Variants in SLC30A10 observed in about 807,000 individuals in gnomAD.
The protein encoded by SLC30A10 is calcium/manganese antiporter SLC30A10.
A neutral mutation model predicts 21.7 loss-of-function variants in SLC30A10; 8 were observed. That is an observed-to-expected ratio of 0.37 (90% confidence interval 0.22 to 0.67). The LOEUF (loss-of-function observed/expected upper bound fraction) is 0.67. Among genes scored for constraint, SLC30A10 ranks in the 30% least tolerant of loss-of-function variants. SLC30A10 has a pLI of 0.58. For missense variants in SLC30A10, 521 were observed against 642.5 expected (o/e 0.81, Z 2.04); for synonymous variants, 272 against 279.4 (o/e 0.97, Z 0.26).
chr1:219,940,824 T>C (rs1256280522), intron 1 of SLC30A10, among the ~76,000 whole-genome samples: 11 of 152,132 alleles, frequency 7.2e-5, no homozygotes, highest in Non-Finnish European at 1.5e-5. Context: ...CGATTTTTGG[T>C]TTAATTGGAA....
In SLC30A10 at chr1:219,911,606, T is replaced by C. The variant is rs1052792100; in HGVS notation, c.*3843A>G. Among the ~76,000 whole-genome samples the C allele has an allele frequency of 7.9e-5, 12 of 152,132 alleles. No homozygotes were observed. The highest frequency in any genetic ancestry group is 1.8e-4 in the Non-Finnish European group (12 of 68,036). On this transcript the variant is annotated 3_prime_UTR_variant, in exon 4 of 4. Transcript: ENST00000366926. ...AGTATAAAGGGATTTATAAGGGCTT[T>C]TCATTTCAAATTACATTTTTCTTTA...
chr1:219,941,157 C>T (rs139793879), intron 1 of SLC30A10, among the ~76,000 whole-genome samples: 6 of 152,196 alleles, frequency 3.9e-5, no homozygotes, highest in Admixed American at 1.3e-4. Context: ...ACGAGAAGCA[C>T]GTTCCAAACT....
chr1:219,932,421 T>G (rs1368275896), upstream of SLC30A10, among the ~76,000 whole-genome samples: 2 of 152,226 alleles, frequency 1.3e-5, no homozygotes, highest in African/African-American at 4.8e-5. Context: ...GACCAGAAAT[T>G]AACAATTAGT....
Position 219,919,994 on chromosome 1 carries a change from A to T in SLC30A10, c.719-1500T>A, listed in dbSNP as rs2102527794. On this transcript the variant is annotated intron_variant, in intron 2 of 3. Coordinates refer to ENST00000366926, the MANE Select transcript of SLC30A10 (RefSeq NM_018713.3). ...TTTGGAAGGTGCTTTAATTGAGCTAATTCCTCCTCTTGGCAACAACTCCAC... is the reference window on the plus strand; with the variant it reads ...TTTGGAAGGTGCTTTAATTGAGCTATTTCCTCCTCTTGGCAACAACTCCAC... 1.3e-5 allele frequency among the ~76,000 whole-genome samples: 2 copies of T among 152,250 alleles called. 1 individual carries two copies. The highest frequency in any genetic ancestry group is 4.1e-4 in the South Asian group (2 of 4,820).
At chr1:219,921,018 A>C in intron 2 of SLC30A10, among the ~76,000 whole-genome samples, 1 of 152,174 alleles carries the variant, frequency 6.6e-6, no homozygotes, top group East Asian at 1.9e-4. Flanking sequence ...ACACTCTTTT[A>C]AGTTGGAAAG....
intron 1 of SLC30A10, among the ~76,000 whole-genome samples, chr1:219,952,189 C>T (rs1020879394): frequency 6.6e-6 from 1 of 152,118 alleles, no homozygotes; most frequent in Non-Finnish European, 1.5e-5. Context: ...CAGCCACCAC[C>T]ACCACCACCA....
intron 1 of SLC30A10, among the ~76,000 whole-genome samples, chr1:219,938,038 T>G (rs1039654963): frequency 6.6e-6 from 1 of 152,200 alleles, no homozygotes; most frequent in African/African-American, 2.4e-5. Flanking sequence ...TTCAATGTAT[T>G]TTTTCTTCTG....
chr1:219,917,709 T>C (rs1366028940), intron 3 of SLC30A10, among the ~76,000 whole-genome samples: 1 of 38,342 alleles, frequency 2.6e-5, no homozygotes, highest in Non-Finnish European at 5.0e-5. Context: ...TTTTCTTTCC[T>C]TTTTTTTTTT....
At chr1:219,916,917 C>G (rs1236299883) in intron 3 of SLC30A10, among the ~76,000 whole-genome samples, 1 of 150,298 alleles carries the variant, frequency 6.7e-6, no homozygotes, top group Non-Finnish European at 1.5e-5. Context: ...ACATTTCTAG[C>G]ATGTAGTAAA....
chr1:219,937,516 T>G (rs1169297217), intron 1 of SLC30A10, among the ~76,000 whole-genome samples: 1 of 152,218 alleles, frequency 6.6e-6, no homozygotes, highest in Non-Finnish European at 1.5e-5. Context: ...TTCCAGTTGC[T>G]TTAAATTCCT....
chr1:219,958,162 A>T (rs1452410794), intron 1 of SLC30A10, among the ~76,000 whole-genome samples: 2 of 150,818 alleles, frequency 1.3e-5, no homozygotes, highest in Non-Finnish European at 2.9e-5. Context: ...TATTTTATGG[A>T]GACATTAACT....
chr1:219,922,118 A>G (rs1449843938), intron 2 of SLC30A10, among the ~76,000 whole-genome samples: 1 of 137,176 alleles, frequency 7.3e-6, no homozygotes, highest in Non-Finnish European at 1.6e-5. Flanking sequence ...TGCACTGGTT[A>G]ATTTTTTTAC....
At chr1:219,922,147 T>TA (rs1323764253) in intron 2 of SLC30A10, among the ~76,000 whole-genome samples, 1 of 141,770 alleles carries the variant, frequency 7.1e-6, no homozygotes, top group Non-Finnish European at 1.5e-5. Flanking sequence ...AGAATTTTTT[T>TA]ACCTTCTTGT....
rs1028170757 is a variant in SLC30A10, at chr1:219,915,510, T to C, written c.1397A>G (p.His466Arg). 6.2e-7 allele frequency: 1 copy of C among 1,614,240 alleles called. No homozygotes were observed. Among genetic ancestry groups the C allele is most frequent in the Non-Finnish European group, 8.5e-7 (1 of 1,180,042 alleles). The change falls in exon 4 of 4, where the codon CAC becomes CGC. Residue 466 changes from histidine to arginine, a missense_variant. His to Arg is a conservative substitution (Grantham distance 29). Coordinates refer to ENST00000366926, the MANE Select transcript of SLC30A10 (RefSeq NM_018713.3). Reference protein sequence around the residue: ...EVSLDSCLSDHGQSLNKTQED... With the variant: ...EVSLDSCLSDRGQSLNKTQED... ...CTGAGTTTTGTTAAGACTTTGTCCG[T>C]GGTCACTCAGACAGCTATCCAAAGA... is the stretch of plus-strand genomic sequence containing the variant.
chr1:219,943,148 T>C (rs569429061), intron 1 of SLC30A10, among the ~76,000 whole-genome samples: 1 of 152,028 alleles, frequency 6.6e-6, no homozygotes, highest in Non-Finnish European at 1.5e-5. Flanking sequence ...ATGCAAAAAT[T>C]GCAGATGTTG....
intron 1 of SLC30A10, among the ~76,000 whole-genome samples, chr1:219,948,366 A>G (rs376213285): frequency 0.18 from 26,981 of 151,656 alleles, 4,547 homozygotes; most frequent in African/African-American, 0.45. Context: ...AAACTATACT[A>G]CAAGGCTACA....
At chr1:219,922,194 T>G (rs796458752) in intron 2 of SLC30A10, among the ~76,000 whole-genome samples, 3,206 of 18,302 alleles carry the variant, frequency 0.18, 617 homozygotes, top group African/African-American at 0.21. Flanking sequence ...TTTTTTTTTT[T>G]TTTTTTTTTT....
rs1353381545 is a variant in SLC30A10, at chr1:219,918,012, C to T, written c.958+243G>A. 2.0e-5 allele frequency among the ~76,000 whole-genome samples: 3 copies of T among 152,124 alleles called. No homozygotes were observed. Among genetic ancestry groups the T allele is most frequent in the Admixed American group, 2.0e-4 (3 of 15,274 alleles). On this transcript the variant is annotated intron_variant, in intron 3 of 3. Coordinates refer to ENST00000366926, the MANE Select transcript of SLC30A10 (RefSeq NM_018713.3). The surrounding 1 kb of genome is among the most constrained non-coding windows in gnomAD (Gnocchi z 4.4). The stretch of plus-strand genomic sequence containing the variant: ...ACAGGCGTGAGCCACCATGCCCAGA[C>T]CAAGTATTGCATTCTTAAAAATTTG...
upstream of SLC30A10, among the ~76,000 whole-genome samples, chr1:219,933,032 G>A (rs1247500394): frequency 4.6e-5 from 7 of 150,708 alleles, no homozygotes; most frequent in Admixed American, 1.3e-4. Context: ...TTGTACTCCA[G>A]CCTGGGCAAC....
Sources: gnomAD v4.1 joint callset for allele counts (sites outside exome capture counted in the v4.1 genomes callset) on GRCh38, gnomAD v4.1.1 for gene constraint, Gnocchi (gnomAD v3.1) non-coding constraint, MANE v1.5 for transcripts, NCBI Gene and HGNC (gene_info 2026-07-23, HGNC 2026-07-21) for gene names.